Variants in FGD4 observed in about 807,000 individuals in gnomAD.
FGD4 encodes FYVE, RhoGEF and PH domain-containing protein 4.
A neutral mutation model predicts 102.0 loss-of-function variants in FGD4; 42 were observed. The observed-to-expected ratio is 0.41, with a 90% CI of 0.32 to 0.53. The LOEUF (loss-of-function observed/expected upper bound fraction) is 0.53, where lower values mean the gene tolerates loss of function less well. Ranked by LOEUF, FGD4 falls within the 20% of genes least tolerant of loss-of-function variation. FGD4 has a pLI of 0.21. For synonymous variants in FGD4, 380 were observed against 375.7 expected (o/e 1.01, Z -0.13); for missense variants, 902 against 1,078.2 (o/e 0.84, Z 2.29).
intron 1 of FGD4, among the ~76,000 whole-genome samples, chr12:32,415,395 T>C (rs1026185452): frequency 2.0e-5 from 3 of 151,746 alleles, no homozygotes; most frequent in Non-Finnish European, 4.4e-5. Context: ...CAGCTATTAC[T>C]GTATTGGGAT....
intron 2 of FGD4, among the ~76,000 whole-genome samples, chr12:32,565,348 A>T (rs1216860663): frequency 6.6e-6 from 1 of 152,228 alleles, no homozygotes; most frequent in Non-Finnish European, 1.5e-5. Context: ...TTGATGATTC[A>T]GATGAGTAGC....
intron 1 of FGD4, among the ~76,000 whole-genome samples, chr12:32,409,330 CCA>C (rs1941101229): frequency 7.1e-6 from 1 of 141,160 alleles, no homozygotes; most frequent in East Asian, 2.2e-4. Context: ...CTCTTGTCCC[CCA>C]AGCTGGAGTG....
chr12:32,620,694 T>TA (rs1491231740), intron 11 of FGD4, among the ~76,000 whole-genome samples: 2 of 91,994 alleles, frequency 2.2e-5, no homozygotes, highest in Admixed American at 2.1e-4. Context: ...ACCTGGCTAA[T>TA]TTTTTTTTTT....
At chr12:32,491,020 G>A (rs1944068777) in intron 1 of FGD4, among the ~76,000 whole-genome samples, 1 of 151,710 alleles carries the variant, frequency 6.6e-6, no homozygotes, top group Non-Finnish European at 1.5e-5. Context: ...CACCAGTGTG[G>A]AGACCTTTTG....
chr12:32,509,954 A>G (rs776231904), intron 1 of FGD4, among the ~76,000 whole-genome samples: 33 of 152,170 alleles, frequency 2.2e-4, no homozygotes, highest in South Asian at 1.7e-3. Flanking sequence ...AGTTCTAACT[A>G]CAGATGTCCT....
intron 15 of FGD4, among the ~76,000 whole-genome samples, chr12:32,635,383 A>G (rs1345337632): frequency 1.3e-5 from 2 of 152,206 alleles, no homozygotes; most frequent in African/African-American, 4.8e-5. Context: ...ATTTTAGAGA[A>G]CCTTATACTG....
At chr12:32,618,821 C>G (rs1412728805) in intron 10 of FGD4, among the ~76,000 whole-genome samples, 2 of 152,154 alleles carry the variant, frequency 1.3e-5, no homozygotes, top group Non-Finnish European at 2.9e-5. Context: ...GAAAAACTAG[C>G]TGGGTATGGT....
rs574392334 is a variant in FGD4, at chr12:32,447,573, A to G, written c.166+47614A>G. 3.3e-4 allele frequency among the ~76,000 whole-genome samples: 51 copies of G among 152,346 alleles called. 1 individual carries two copies. The Middle Eastern group carries it at 0.034, about 102-fold the overall frequency. On this transcript the variant is annotated intron_variant, in intron 1 of 16. Transcript: ENST00000534526. ...CATGTTGTATTAAATGAGATGGCCC[A>G]TTTGTAATATATGAGATAACCTGAT...
At chr12:32,589,443 T>C (rs1267368453) in intron 4 of FGD4, among the ~76,000 whole-genome samples, 1 of 152,224 alleles carries the variant, frequency 6.6e-6, no homozygotes, top group Non-Finnish European at 1.5e-5. Context: ...GTATACAAGG[T>C]TCTGACTTAA....
In FGD4 at chr12:32,535,362, C is replaced by T. The variant is rs74072617; in HGVS notation, c.167-28775C>T. On this transcript the variant is annotated intron_variant, in intron 1 of 16. Coordinates refer to ENST00000534526, the MANE Select transcript of FGD4 (RefSeq NM_001370298.3). ...TGTGGCTCTTTCCTTCCTTAAGTGT[C>T]AGGGGCATACGCTGAGTGTGGAAGC... Among the ~76,000 whole-genome samples the T allele has an allele frequency of 4.4e-3, 674 of 152,240 alleles. 4 individuals are homozygous for T. Among genetic ancestry groups the T allele is most frequent in the African/African-American group, 0.015 (620 of 41,534 alleles).
Position 32,640,535 on chromosome 12 carries a change from C to T in FGD4, c.*2C>T. ...CCTAAGAAAAAATCAGAATGCTGAA[C>T]TCCTCCAGGACCAGCCATGGTGTGG... On this transcript the variant is annotated 3_prime_UTR_variant, in exon 17 of 17. Coordinates refer to ENST00000534526, the MANE Select transcript of FGD4 (RefSeq NM_001370298.3). 3 of 1,613,580 alleles carry T rather than the reference C, an allele frequency of 1.9e-6. No individual in the cohort carries two copies. The highest frequency in any genetic ancestry group is 2.5e-6 in the Non-Finnish European group (3 of 1,179,998).
chr12:32,465,571 G>C (rs1204628524), intron 1 of FGD4, among the ~76,000 whole-genome samples: 1 of 152,106 alleles, frequency 6.6e-6, no homozygotes, highest in East Asian at 1.9e-4. Flanking sequence ...GGGAGGCTGA[G>C]GCAGGAGAAT....
intron 16 of FGD4, 174 bp downstream of exon 16, chr12:32,638,969 T>C (rs1951008392): frequency 6.9e-7 from 1 of 1,457,442 alleles, no homozygotes; most frequent in African/African-American, 1.4e-5. Context: ...TGATTCATTT[T>C]ATAGCCTATA....
chr12:32,451,623 G>A (rs1942776942), intron 1 of FGD4, among the ~76,000 whole-genome samples: 2 of 151,386 alleles, frequency 1.3e-5, no homozygotes, highest in African/African-American at 4.8e-5. Context: ...ACTACTTAAG[G>A]CCGGGCTCGA....
At chr12:32,595,603 C>T (rs747313046) in intron 4 of FGD4, among the ~76,000 whole-genome samples, 17 of 152,264 alleles carry the variant, frequency 1.1e-4, no homozygotes, top group Middle Eastern at 3.4e-3. Flanking sequence ...AGGGCCCCAC[C>T]TTTTGATCTG....
chr12:32,433,626 C>T lies in FGD4; in HGVS notation c.166+33667C>T, dbSNP rs890917859. ...TGCTGGGATTATAAGCATGAGCCAC[C>T]GCACCTGGCCTAAAAGTGCATTTTT... On this transcript the variant is annotated intron_variant, in intron 1 of 16. Coordinates refer to ENST00000534526, the MANE Select transcript of FGD4 (RefSeq NM_001370298.3). Among the ~76,000 whole-genome samples the T allele has an allele frequency of 7.9e-5, 12 of 151,856 alleles. 1 individual carries two copies. The highest frequency in any genetic ancestry group is 2.1e-4 in the South Asian group (1 of 4,812).
chr12:32,563,032 C>T (rs1259214419), intron 1 of FGD4, among the ~76,000 whole-genome samples: 22 of 148,138 alleles, frequency 1.5e-4, no homozygotes, highest in African/African-American at 4.5e-4. Flanking sequence ...GGCGGCTGGC[C>T]GGGCGGGGGG....
At chr12:32,441,582 G>T (rs1942436500) in intron 1 of FGD4, among the ~76,000 whole-genome samples, 1 of 151,836 alleles carries the variant, frequency 6.6e-6, no homozygotes, top group Admixed American at 6.6e-5. Context: ...GCAGAAGAAA[G>T]GTGTCTCTTT....
intron 1 of FGD4, among the ~76,000 whole-genome samples, chr12:32,550,651 A>G (rs1275158745): frequency 4.2e-5 from 6 of 142,188 alleles, no homozygotes; most frequent in African/African-American, 1.6e-4. Context: ...AGCCTGGGCG[A>G]CAGAGCAAGA....
Sources: gnomAD v4.1 joint callset for allele counts (sites outside exome capture counted in the v4.1 genomes callset) on GRCh38, gnomAD v4.1.1 for gene constraint, MANE v1.5 for transcripts, NCBI Gene and HGNC (gene_info 2026-07-23, HGNC 2026-07-21) for gene names.